Variants in ARSF observed in about 807,000 individuals in gnomAD.
The protein encoded by ARSF is arylsulfatase F.
A neutral mutation model predicts 35.4 loss-of-function variants in ARSF; 33 were observed. The observed-to-expected ratio is 0.93, with a 90% confidence interval of 0.71 to 1.25. ARSF has a LOEUF of 1.25. Among genes scored for constraint, ARSF ranks in the 50% most tolerant of loss-of-function variants. ARSF has a pLI of 0.00. For missense variants in ARSF, 501 were observed against 480.2 expected, an observed-to-expected ratio of 1.04 and a Z score of -0.40; for synonymous variants, 222 against 193.1, an observed-to-expected ratio of 1.15 and a Z score of -1.24.
chrX:3,050,714 T>A, intron 1 of ARSF, among the ~76,000 whole-genome samples: 1 of 110,893 alleles, frequency 9.0e-6, no homozygotes, highest in Non-Finnish European at 1.9e-5. Context: ...CGCTGAGTCT[T>A]CCCTTGGGGT....
intron 4 of ARSF, among the ~76,000 whole-genome samples, chrX:3,078,727 T>C (rs1458867042): frequency 9.0e-6 from 1 of 111,555 alleles, no homozygotes; most frequent in Non-Finnish European, 1.9e-5. Flanking sequence ...CTTGAATTCC[T>C]GAGCTCAAGT....
At position 3,093,077 on chromosome X, in the gene ARSF, A is replaced by G. The variant is rs2090310361; in HGVS notation, c.967+3445A>G. On this transcript the variant is annotated intron_variant, in intron 7 of 10. Coordinates refer to ENST00000381127, the MANE Select transcript of ARSF (RefSeq NM_001201539.2). ...GCTACTCGGGAGGCTGAGGCAGGAG[A>G]ATGGCGTGAACCTGGGAGGCAGAGC... Among the ~76,000 whole-genome samples the G allele has an allele frequency of 2.7e-5, 3 of 110,355 alleles. No individual in the cohort carries two copies. The Admixed American group carries it at 2.9e-4, about 11-fold the overall frequency.
intron 1 of ARSF, among the ~76,000 whole-genome samples, chrX:3,062,351 G>A (rs1041925014): frequency 2.7e-5 from 3 of 111,898 alleles, no homozygotes; most frequent in African/African-American, 9.7e-5. Context: ...AAGAAAGCAG[G>A]AAATATCTAA....
chrX:3,082,114 C>T (rs970911896), intron 5 of ARSF, among the ~76,000 whole-genome samples: 2 of 111,293 alleles, frequency 1.8e-5, no homozygotes, highest in East Asian at 5.6e-4. Context: ...TACACATTAT[C>T]GCAGCCTCTG....
Position 3,112,349 on chromosome X carries a change from C to T in ARSF, c.1566C>T (p.Ala522=), listed in dbSNP as rs1380037592. The change falls in exon 11 of 11, where the codon GCC becomes GCT. Residue 522 remains alanine (A), a synonymous_variant. Coordinates refer to ENST00000381127, the MANE Select transcript of ARSF (RefSeq NM_001201539.2). ...CAGAGTCCACACCCCTGACACCTGC[C>T]ACAGAGCCCCTCCATGATTTTGTGA... The part of the protein sequence containing the change: ...DPSESTPLTP[A]TEPLHDFVIK... 8.3e-7 allele frequency: 1 copy of T among 1,208,990 alleles called. No homozygotes were observed. The highest frequency in any genetic ancestry group is 3.0e-5 in the East Asian group (1 of 33,708).
chrX:3,053,759 T>A (rs1287266424), intron 1 of ARSF, among the ~76,000 whole-genome samples: 1 of 71,166 alleles, frequency 1.4e-5, no homozygotes, highest in African/African-American at 5.9e-5. Flanking sequence ...GCCTGGGTAA[T>A]TTTTTTTTTT....
intron 10 of ARSF, among the ~76,000 whole-genome samples, chrX:3,111,466 C>A (rs111945581): frequency 0.043 from 4,738 of 110,943 alleles, 261 homozygotes; most frequent in African/African-American, 0.15. Flanking sequence ...CTCAAACATG[C>A]ATAATTTCTT....
chrX:3,073,335 A>C (rs2090120356), intron 3 of ARSF, among the ~76,000 whole-genome samples: 1 of 100,986 alleles, frequency 9.9e-6, no homozygotes. Flanking sequence ...AAACTCAGGG[A>C]TATAAAGGCT....
Position 3,103,828 on chromosome X carries a change from A to G in ARSF, c.1169A>G (p.Lys390Arg), listed in dbSNP as rs2090395570. Residue 390 changes from lysine (K) to arginine (R), a missense_variant, in exon 9 of 11, where the codon AAG (lysine) becomes AGG (arginine). Transcript: ENST00000381127. ...CCAGGAATTGTCCGATGGCCTGGAA[A>G]GGTACCAGCTGGACGGTTGATTAAG... ...RVPGIVRWPG[K>R]VPAGRLIKEP... 1.1e-5 allele frequency: 13 copies of G among 1,210,148 alleles called. No individual in the cohort carries two copies. In the South Asian group the frequency reaches 1.9e-4, roughly 18 times the overall value.
chrX:3,108,809 G>T (rs149505090), intron 9 of ARSF, among the ~76,000 whole-genome samples: 5 of 111,589 alleles, frequency 4.5e-5, no homozygotes, highest in Non-Finnish European at 9.4e-5. Flanking sequence ...CTGAGGTCAG[G>T]AGTTTGAGAC....
intron 1 of ARSF, among the ~76,000 whole-genome samples, chrX:3,043,652 C>T (rs1463368090): frequency 2.7e-5 from 3 of 110,916 alleles, no homozygotes; most frequent in Non-Finnish European, 3.8e-5. Context: ...TGCTGGCTCC[C>T]GTAATTTTTT....
intron 1 of ARSF, among the ~76,000 whole-genome samples, chrX:3,066,191 G>A (rs2090065271): frequency 8.9e-6 from 1 of 111,887 alleles, no homozygotes; most frequent in Non-Finnish European, 1.9e-5. Flanking sequence ...TTGGTTTAGA[G>A]AGGGTTATGT....
chrX:3,054,352 C>T (rs188590528), intron 1 of ARSF, among the ~76,000 whole-genome samples: 1 of 111,897 alleles, frequency 8.9e-6, no homozygotes, highest in African/African-American at 3.3e-5. Context: ...TGTCTCCTCA[C>T]AGGCTTCTTA....
Position 3,101,214 on chromosome X carries a change from A to G in ARSF, c.1095A>G (p.Ile365Met). 8.3e-7 allele frequency: 1 copy of G among 1,210,002 alleles called. No homozygotes were observed. Among genetic ancestry groups the G allele is most frequent in the South Asian group, 1.8e-5 (1 of 56,381 alleles). Reference protein sequence around the residue: ...GHAQLGGWNGIYKGGKGMGGW... With the variant: ...GHAQLGGWNGMYKGGKGMGGW... The stretch of plus-strand genomic sequence containing the variant: ...CCCAACTTGGTGGATGGAATGGAAT[A>G]TACAAAGGTGAGGAGAGGAACTCAT... Residue 365 changes from isoleucine to methionine, a missense_variant, in exon 8 of 11, where the codon ATA becomes ATG. Transcript: ENST00000381127.
At chrX:3,080,007 A>G (rs1299832736) in intron 4 of ARSF, among the ~76,000 whole-genome samples, 109 of 104,554 alleles carry the variant, frequency 1.0e-3, no homozygotes, top group African/African-American at 2.4e-3. Context: ...GAGAGAGAAA[A>G]AAAAAAAAGA....
intron 1 of ARSF, among the ~76,000 whole-genome samples, chrX:3,045,079 T>C (rs1305779803): frequency 9.0e-6 from 1 of 111,721 alleles, no homozygotes; most frequent in African/African-American, 3.3e-5. Flanking sequence ...GAAAATGTAA[T>C]GTTTAGAGGC....
At chrX:3,074,472 T>C (rs541792087) in intron 3 of ARSF, among the ~76,000 whole-genome samples, 6 of 111,387 alleles carry the variant, frequency 5.4e-5, no homozygotes, top group African/African-American at 1.6e-4. Context: ...TATATTTTAT[T>C]TTCATCCAAG....
intron 7 of ARSF, among the ~76,000 whole-genome samples, chrX:3,099,974 A>G (rs1301445361): frequency 8.9e-6 from 1 of 112,217 alleles, no homozygotes; most frequent in African/African-American, 3.2e-5. Context: ...CCAACAGTAG[A>G]ACACATAGAA....
chrX:3,090,136 G>A (rs2090278580), intron 7 of ARSF, among the ~76,000 whole-genome samples: 1 of 111,204 alleles, frequency 9.0e-6, no homozygotes, highest in African/African-American at 3.3e-5. Flanking sequence ...ACATATACTT[G>A]ATGTTATGCT....
Sources: gnomAD v4.1 joint callset for allele counts (sites outside exome capture counted in the v4.1 genomes callset) on GRCh38, gnomAD v4.1.1 for gene constraint, MANE v1.5 for transcripts, NCBI Gene and HGNC (gene_info 2026-07-23, HGNC 2026-07-21) for gene names.